PEAK1: variants seen among roughly 807,000 people sequenced by gnomAD.
PEAK1 encodes the protein pseudopodium enriched atypical kinase 1.
A neutral mutation model predicts 124.7 loss-of-function variants in PEAK1; 54 were observed. The observed-to-expected ratio is 0.43, with a 90% confidence interval of 0.35 to 0.54. PEAK1 has a LOEUF of 0.54. Ranked by LOEUF, PEAK1 falls within the 20% of genes least tolerant of loss-of-function variation. The pLI is 0.01. For synonymous variants in PEAK1, 719 were observed against 760.0 expected (o/e 0.95, Z 0.89); for missense variants, 2,046 against 2,134.5 (o/e 0.96, Z 0.82).
intron 2 of PEAK1, among the ~76,000 whole-genome samples, chr15:77,320,457 A>G (rs930540849): frequency 5.3e-5 from 8 of 152,184 alleles, no homozygotes; most frequent in African/African-American, 1.9e-4. Context: ...CTCTAAGGAG[A>G]AAAAATTCCA....
intron 2 of PEAK1, chr15:77,331,067 A>G (rs948728364): frequency 1.3e-6 from 1 of 792,302 alleles, no homozygotes; most frequent in Non-Finnish European, 1.5e-6. Flanking sequence ...ATAGCATTCC[A>G]TTATAGACAT....
chr15:77,384,987 G>T (rs1404355887), intron 1 of PEAK1, among the ~76,000 whole-genome samples: 1 of 152,112 alleles, frequency 6.6e-6, no homozygotes, highest in Non-Finnish European at 1.5e-5. Context: ...AAATAAAGGT[G>T]AAAGAGTGCT....
chr15:77,374,541 G>A (rs921268581), intron 1 of PEAK1, among the ~76,000 whole-genome samples: 1 of 152,084 alleles, frequency 6.6e-6, no homozygotes, highest in Non-Finnish European at 1.5e-5. Context: ...CAAGTGTGTA[G>A]CTGAAGGAAG....
At chr15:77,341,143 T>A (rs1486485898) in intron 2 of PEAK1, among the ~76,000 whole-genome samples, 1 of 152,070 alleles carries the variant, frequency 6.6e-6, no homozygotes, top group Non-Finnish European at 1.5e-5. Context: ...GTGCAGAGTT[T>A]CTATGCCCTT....
intron 3 of PEAK1, among the ~76,000 whole-genome samples, chr15:77,285,786 TG>T (rs2062897215): frequency 1.3e-5 from 2 of 152,210 alleles, no homozygotes; most frequent in Admixed American, 1.3e-4. Flanking sequence ...TCTATTTTGC[TG>T]ATCTTTTCAA....
Position 77,363,601 on chromosome 15 carries a change from T to C in PEAK1, c.-603+1562A>G, listed in dbSNP as rs1243105546. On this transcript the variant is annotated intron_variant, in intron 2 of 9. Coordinates refer to ENST00000682557, the MANE Select transcript of PEAK1 (RefSeq NM_001385026.1). ...TTGATCCACTTGACAGGAGGGAGCCTGCACTTTCTCAGCTTTAACTTCTTG... is the reference window on the plus strand; with the variant it reads ...TTGATCCACTTGACAGGAGGGAGCCCGCACTTTCTCAGCTTTAACTTCTTG... Among the ~76,000 whole-genome samples the C allele has an allele frequency of 3.3e-5, 5 of 152,160 alleles. No individual in the cohort carries two copies. The East Asian group carries it at 5.8e-4, about 18-fold the overall frequency.
rs1013356755 is a variant in PEAK1 at position 77,419,703 on chromosome 15, C to T, written c.-666+303G>A. On this transcript the variant is annotated intron_variant, in intron 1 of 9. Coordinates refer to ENST00000682557, the MANE Select transcript of PEAK1 (RefSeq NM_001385026.1). ...CTCGCGGCAGGTCCCAACTTTCCTT[C>T]CTCTGGGGGGCGTCGCGCTCCCGGG... 3.1e-6 allele frequency: 3 copies of T among 981,064 alleles called. No homozygotes were observed. The African/African-American group carries it at 5.3e-5, about 17-fold the overall frequency. The allele number at this position is 981,064 out of a possible 1,614,324, so 60.8% of individuals were successfully genotyped here. A position where few individuals can be genotyped will look rare whatever the true frequency, so the allele number is the denominator to read the frequency against.
At chr15:77,231,109 G>T (rs1346592026) in intron 6 of PEAK1, among the ~76,000 whole-genome samples, 6 of 151,792 alleles carry the variant, frequency 4.0e-5, no homozygotes, top group African/African-American at 1.2e-4. Context: ...TAATCCAAAG[G>T]CATCTAATAA....
At chr15:77,184,894 C>T (rs2057463615) in intron 6 of PEAK1, among the ~76,000 whole-genome samples, 1 of 108,000 alleles carries the variant, frequency 9.3e-6, no homozygotes, top group Admixed American at 9.4e-5. Context: ...ACAAACAACT[C>T]ATAGAACTAC....
intron 5 of PEAK1, among the ~76,000 whole-genome samples, chr15:77,258,518 GCTCT>G (rs1420227863): frequency 6.6e-6 from 1 of 151,958 alleles, no homozygotes; most frequent in Non-Finnish European, 1.5e-5. Flanking sequence ...TCATGATTTG[GCTCT>G]CTGTTTGTCT....
At chr15:77,334,193 G>A in intron 2 of PEAK1, 1 of 980,388 alleles carries the variant, frequency 1.0e-6, no homozygotes, top group Non-Finnish European at 1.2e-6. Flanking sequence ...AGAAAGTACT[G>A]ACTTCAGTAC....
In PEAK1 at chr15:77,357,143, T is replaced by G. The variant is rs559118366; in HGVS notation, c.-603+8020A>C. Among the ~76,000 whole-genome samples, 5 of 152,278 alleles carry G rather than the reference T, an allele frequency of 3.3e-5. No individual in the cohort carries two copies. In the South Asian group the frequency reaches 6.2e-4, roughly 19 times the overall value. On this transcript the variant is annotated intron_variant, in intron 2 of 9. Transcript: ENST00000682557. The stretch of plus-strand genomic sequence containing the variant: ...TACATCAGCAGCGCATGGTGGCACA[T>G]GCCTGTAGTCCCAGTTACTTGGGAG...
chr15:77,383,637 T>G (rs1003166593), intron 1 of PEAK1, among the ~76,000 whole-genome samples: 17 of 152,184 alleles, frequency 1.1e-4, no homozygotes, highest in Non-Finnish European at 1.5e-5. Context: ...AGCCTCAAAC[T>G]GGCATCACCC....
chr15:77,383,019 C>CTT (rs752564656), intron 1 of PEAK1, among the ~76,000 whole-genome samples: 82 of 130,384 alleles, frequency 6.3e-4, no homozygotes, highest in Non-Finnish European at 8.3e-4. Flanking sequence ...TTTGTATCTC[C>CTT]TTTTTTTTTT....
intron 8 of PEAK1, among the ~76,000 whole-genome samples, chr15:77,140,567 A>G (rs946487487): frequency 6.6e-6 from 1 of 152,178 alleles, no homozygotes; most frequent in Non-Finnish European, 1.5e-5. Flanking sequence ...ATAATACTCA[A>G]TGAACTAGAA....
intron 1 of PEAK1, among the ~76,000 whole-genome samples, chr15:77,392,163 A>G (rs2070518416): frequency 6.6e-6 from 1 of 152,222 alleles, no homozygotes; most frequent in Non-Finnish European, 1.5e-5. Flanking sequence ...TGTCACAAAG[A>G]AGGCATGCAG....
intron 5 of PEAK1, among the ~76,000 whole-genome samples, chr15:77,260,907 A>C (rs976145708): frequency 2.0e-5 from 3 of 152,220 alleles, no homozygotes; most frequent in Non-Finnish European, 2.9e-5. Context: ...ATGGCCGGGT[A>C]CTCCTCTGAG....
chr15:77,197,690 C>T (rs148544660), intron 6 of PEAK1, among the ~76,000 whole-genome samples: 1 of 152,188 alleles, frequency 6.6e-6, no homozygotes. Flanking sequence ...CTAGCCCAAA[C>T]ATTTAAAAGA....
At chr15:77,132,687 C>T (rs2052974670) in intron 9 of PEAK1, among the ~76,000 whole-genome samples, 1 of 128,202 alleles carries the variant, frequency 7.8e-6, no homozygotes, top group Non-Finnish European at 1.7e-5. Context: ...AAGAGTGAAA[C>T]TCCATCTCAA....
Sources: allele counts gnomAD v4.1 joint callset (sites outside exome capture counted in the v4.1 genomes callset), GRCh38; gene constraint gnomAD v4.1.1; transcripts MANE v1.5; gene names NCBI Gene and HGNC (gene_info 2026-07-23, HGNC 2026-07-21).